Variants in PCLO observed in about 807,000 individuals in gnomAD.
PCLO encodes protein piccolo.
Under a neutral mutation model 427.5 loss-of-function variants are expected in PCLO, and 82 were observed. The observed-to-expected ratio is 0.19, with a 90% CI of 0.16 to 0.23. PCLO has a LOEUF of 0.23. Ranked by LOEUF, PCLO falls within the 10% of genes least tolerant of loss-of-function variation. The probability of loss-of-function intolerance (pLI) is 1.00; values close to 1 mark genes in which losing one functional copy is unlikely to be tolerated. For missense variants in PCLO, 6,239 were observed against 6,115.9 expected, an observed-to-expected ratio of 1.02 and a Z score of -0.67; for synonymous variants, 2,357 against 2,155.4, an observed-to-expected ratio of 1.09 and a Z score of -2.59.
intron 3 of PCLO, among the ~76,000 whole-genome samples, chr7:83,052,617 A>C (rs1789282171): frequency 1.3e-5 from 2 of 152,006 alleles, no homozygotes; most frequent in African/African-American, 4.8e-5. Context: ...GTTCTACAGG[A>C]ATCAAAAATC....
chr7:83,155,219 A>G lies in PCLO; in HGVS notation c.1422T>C (p.Pro474=), dbSNP rs1792246790. ...TGPTKPPSQL[P]GPAKPPPQQP... ...GTTGAGGTGGGGGCTTTGCTGGGCC[A>G]GGCAGTTGTGAAGGAGGCTTTGTTG... is the stretch of plus-strand genomic sequence containing the variant. The change falls in exon 2 of 25, where the codon CCT becomes CCC. Residue 474 remains proline, a synonymous_variant. Transcript: ENST00000333891. 3 of 1,613,320 alleles carry G rather than the reference A, an allele frequency of 1.9e-6. No individual in the cohort carries two copies. The highest frequency in any genetic ancestry group is 1.3e-5 in the African/African-American group (1 of 74,798).
chr7:82,861,006 G>A (rs1470353200), intron 10 of PCLO, among the ~76,000 whole-genome samples: 1 of 151,928 alleles, frequency 6.6e-6, no homozygotes, highest in Non-Finnish European at 1.5e-5. Flanking sequence ...TATATCACTA[G>A]AGAAAATCAT....
Position 83,005,254 on chromosome 7 carries a change from T to A in PCLO, c.3301-38767A>T, listed in dbSNP as rs546860496. Reference sequence around the variant, plus strand: ...TCAGCCTTAAAAATGAAGAGAATCGTGTCATTTGTGACAACATGGATAAAC... The same window carrying A: ...TCAGCCTTAAAAATGAAGAGAATCGAGTCATTTGTGACAACATGGATAAAC... On this transcript the variant is annotated intron_variant, in intron 3 of 24. Transcript: ENST00000333891. 2.7e-4 allele frequency among the ~76,000 whole-genome samples: 41 copies of A among 151,856 alleles called. No individual in the cohort carries two copies. In the South Asian group the frequency reaches 8.5e-3, roughly 31 times the overall value.
Position 83,038,403 on chromosome 7 carries a change from C to T in PCLO, c.3301-71916G>A, listed in dbSNP as rs1788886364. Among the ~76,000 whole-genome samples, 3 of 151,622 alleles carry T rather than the reference C, an allele frequency of 2.0e-5. No individual in the cohort carries two copies. The South Asian group carries it at 6.2e-4, about 31-fold the overall frequency. On this transcript the variant is annotated intron_variant, in intron 3 of 24. Coordinates refer to ENST00000333891, the MANE Select transcript of PCLO (RefSeq NM_033026.6). ...ACATATTCCCCATCCTCCTTCATCCCTAAGCAACCACTAATCTGCTTTCTA... is the reference window on the plus strand; with the variant it reads ...ACATATTCCCCATCCTCCTTCATCCTTAAGCAACCACTAATCTGCTTTCTA...
chr7:83,115,829 T>A (rs939365280), intron 3 of PCLO, among the ~76,000 whole-genome samples: 1 of 152,056 alleles, frequency 6.6e-6, no homozygotes, highest in Non-Finnish European at 1.5e-5. Context: ...CACAGTTCTA[T>A]AGATTAATAC....
At chr7:83,089,293 C>T (rs567949833) in intron 3 of PCLO, among the ~76,000 whole-genome samples, 10 of 152,152 alleles carry the variant, frequency 6.6e-5, no homozygotes, top group African/African-American at 2.4e-4. Flanking sequence ...TTCTGCTCTG[C>T]CCTTTCTGAG....
intron 21 of PCLO, among the ~76,000 whole-genome samples, chr7:82,802,829 C>T (rs1294740849): frequency 6.6e-6 from 1 of 152,122 alleles, no homozygotes; most frequent in Non-Finnish European, 1.5e-5. Context: ...TCTTATTCTA[C>T]TTCAGAGAAG....
intron 3 of PCLO, among the ~76,000 whole-genome samples, chr7:83,086,516 T>C (rs12707547): frequency 0.49 from 74,244 of 151,746 alleles, 18,297 homozygotes; most frequent in African/African-American, 0.51. Flanking sequence ...AAGATAGAGG[T>C]CTATATTAAT....
At chr7:82,941,095 T>TA (rs1351181031) in intron 6 of PCLO, among the ~76,000 whole-genome samples, 3 of 151,600 alleles carry the variant, frequency 2.0e-5, no homozygotes, top group Non-Finnish European at 2.9e-5. Context: ...ATTAAGGTTT[T>TA]TTTTTTAATG....
At chr7:83,061,478 CAA>C (rs1318374639) in intron 3 of PCLO, among the ~76,000 whole-genome samples, 1 of 152,090 alleles carries the variant, frequency 6.6e-6, no homozygotes, top group Admixed American at 6.6e-5. Flanking sequence ...ATAATAAAAT[CAA>C]AAGAGTGACA....
chr7:82,890,855 C>T (rs1467194036), intron 9 of PCLO, among the ~76,000 whole-genome samples: 1 of 151,982 alleles, frequency 6.6e-6, no homozygotes, highest in Middle Eastern at 3.5e-3. Flanking sequence ...AACAGTTATA[C>T]TTTCAACTTA....
intron 20 of PCLO, among the ~76,000 whole-genome samples, chr7:82,811,059 A>T (rs1270712390): frequency 6.6e-6 from 1 of 151,644 alleles, no homozygotes; most frequent in Non-Finnish European, 1.5e-5. Context: ...GCTATTTCCA[A>T]ATATTCTGAG....
chr7:82,949,030 T>C (rs756577233), intron 6 of PCLO, among the ~76,000 whole-genome samples: 1 of 152,198 alleles, frequency 6.6e-6, no homozygotes, highest in African/African-American at 2.4e-5. Context: ...TAAACATCCA[T>C]GGTCTAAATT....
At chr7:82,834,439 T>A (rs1792174873) in intron 16 of PCLO, among the ~76,000 whole-genome samples, 1 of 152,208 alleles carries the variant, frequency 6.6e-6, no homozygotes, top group Non-Finnish European at 1.5e-5. Flanking sequence ...ATAGCAAGGC[T>A]GTGGTAACAA....
intron 1 of PCLO, 100 bp downstream of exon 1, chr7:83,162,245 C>T: frequency 7.4e-7 from 1 of 1,349,580 alleles, no homozygotes; most frequent in Non-Finnish European, 9.9e-7. Flanking sequence ...TGAACGGAGG[C>T]GACATATATG....
chr7:82,825,870 T>A (rs1238521669), intron 18 of PCLO, among the ~76,000 whole-genome samples: 1 of 148,260 alleles, frequency 6.7e-6, no homozygotes, highest in African/African-American at 2.4e-5. Context: ...ATACACAATG[T>A]GTACATATCT....
chr7:82,869,885 C>CT (rs1182183230), intron 10 of PCLO, among the ~76,000 whole-genome samples: 2 of 151,852 alleles, frequency 1.3e-5, no homozygotes. Flanking sequence ...CATGAAATAT[C>CT]TTTTCATTCT....
chr7:82,938,919 T>A (rs531450897), intron 6 of PCLO, among the ~76,000 whole-genome samples: 4 of 152,170 alleles, frequency 2.6e-5, no homozygotes, highest in African/African-American at 9.6e-5. Flanking sequence ...AATAACAGGT[T>A]AACAATAATT....
At chr7:82,994,853 C>A (rs1312726741) in intron 3 of PCLO, among the ~76,000 whole-genome samples, 1 of 151,556 alleles carries the variant, frequency 6.6e-6, no homozygotes, top group African/African-American at 2.4e-5. Context: ...AAAGAAAGTA[C>A]AAAACCGATA....
Sources: allele counts gnomAD v4.1 joint callset (sites outside exome capture counted in the v4.1 genomes callset), GRCh38; gene constraint gnomAD v4.1.1; transcripts MANE v1.5; gene names NCBI Gene and HGNC (gene_info 2026-07-23, HGNC 2026-07-21).